The following CNTNAP5 variants were observed in gnomAD, a reference collection of about 807,000 sequenced individuals.
The protein encoded by CNTNAP5 is contactin associated protein family member 5, also known as contactin-associated protein-like 5.
In CNTNAP5, 72 loss-of-function variants were observed where a neutral mutation model predicts 150.2. That is an observed-to-expected ratio of 0.48 (90% confidence interval 0.40 to 0.58). The LOEUF is 0.58. Among genes scored for constraint, CNTNAP5 ranks in the 20% least tolerant of loss-of-function variants. The pLI, the probability that CNTNAP5 is intolerant of heterozygous loss-of-function variation, is 0.00. For missense variants in CNTNAP5, 1,636 were observed against 1,626.2 expected (o/e 1.01, Z -0.10); for synonymous variants, 672 against 619.8 (o/e 1.08, Z -1.25).
intron 10 of CNTNAP5, among the ~76,000 whole-genome samples, chr2:124,555,402 C>G (rs1695729165): frequency 6.6e-6 from 1 of 152,212 alleles, no homozygotes; most frequent in African/African-American, 2.4e-5. Context: ...GAAGCTCAGA[C>G]AAGGTCTCCA....
intron 11 of CNTNAP5, among the ~76,000 whole-genome samples, chr2:124,564,942 G>T (rs1035692056): frequency 2.6e-5 from 4 of 152,158 alleles, no homozygotes; most frequent in South Asian, 2.1e-4. Context: ...GAGAACTATC[G>T]CTCAGGGACA....
At chr2:124,076,710 T>G (rs1285944590) in intron 1 of CNTNAP5, among the ~76,000 whole-genome samples, 3 of 152,190 alleles carry the variant, frequency 2.0e-5, no homozygotes, top group African/African-American at 2.4e-5. Context: ...CAAGAATTCC[T>G]TTCTAATCTG....
intron 12 of CNTNAP5, among the ~76,000 whole-genome samples, chr2:124,622,174 T>C (rs1324498835): frequency 6.8e-6 from 1 of 147,558 alleles, no homozygotes; most frequent in African/African-American, 2.5e-5. Flanking sequence ...CATGTGTCCA[T>C]GTGTTCTCAT....
At chr2:124,602,338 CAAAAAA>C (rs35316532) in intron 11 of CNTNAP5, among the ~76,000 whole-genome samples, 7 of 89,774 alleles carry the variant, frequency 7.8e-5, no homozygotes, top group East Asian at 4.2e-4. Flanking sequence ...AAGACTTCAC[CAAAAAA>C]AAAAAAAAAA....
chr2:124,041,235 A>G (rs190598152), intron 1 of CNTNAP5, among the ~76,000 whole-genome samples: 2 of 152,328 alleles, frequency 1.3e-5, no homozygotes, highest in African/African-American at 4.8e-5. Flanking sequence ...AAAGATTTCT[A>G]TGTCTTCTGC....
chr2:124,679,963 C>A (rs1264583981), intron 13 of CNTNAP5, among the ~76,000 whole-genome samples: 1 of 151,730 alleles, frequency 6.6e-6, no homozygotes, highest in Non-Finnish European at 1.5e-5. Flanking sequence ...AAGTTCGAGA[C>A]CCCCGCCCCC....
At chr2:124,248,510 A>G (rs1422951688) in intron 3 of CNTNAP5, among the ~76,000 whole-genome samples, 1 of 152,322 alleles carries the variant, frequency 6.6e-6, no homozygotes, top group Non-Finnish European at 1.5e-5. Flanking sequence ...GGAAACAGGG[A>G]AAAACTGGCC....
chr2:124,775,378 G>T (rs556701850), intron 17 of CNTNAP5, among the ~76,000 whole-genome samples: 20 of 152,276 alleles, frequency 1.3e-4, no homozygotes, highest in African/African-American at 4.3e-4. Flanking sequence ...GGGAGGAAAA[G>T]ATATCATTGG....
At chr2:124,447,257 T>TA (rs1285707603) in intron 6 of CNTNAP5, among the ~76,000 whole-genome samples, 2 of 151,286 alleles carry the variant, frequency 1.3e-5, no homozygotes, top group Admixed American at 1.3e-4. Context: ...TGTATCTTCT[T>TA]AAAAAAAAGA....
At chr2:124,382,964 T>C (rs576545853) in intron 3 of CNTNAP5, among the ~76,000 whole-genome samples, 9 of 152,256 alleles carry the variant, frequency 5.9e-5, no homozygotes, top group African/African-American at 2.2e-4. Context: ...GAAATAAAAT[T>C]AGGTATGTGT....
chr2:124,892,597 GT>G (rs1394816545), intron 21 of CNTNAP5, among the ~76,000 whole-genome samples: 2 of 152,132 alleles, frequency 1.3e-5, no homozygotes, highest in African/African-American at 4.8e-5. Context: ...TGGGCGGGAG[GT>G]TTTCTGCAGG....
chr2:124,043,005 T>A (rs934171884), intron 1 of CNTNAP5, among the ~76,000 whole-genome samples: 2 of 152,222 alleles, frequency 1.3e-5, no homozygotes, highest in Non-Finnish European at 1.5e-5. Flanking sequence ...TGATTGCTTA[T>A]CTTCTCCAGT....
chr2:124,549,355 G>C (rs1695581380), intron 10 of CNTNAP5, among the ~76,000 whole-genome samples: 2 of 152,072 alleles, frequency 1.3e-5, no homozygotes, highest in African/African-American at 2.4e-5. Context: ...GTCCTTTTTG[G>C]CTTGCACTAT....
chr2:124,432,224 A>T (rs1411769887), intron 4 of CNTNAP5, among the ~76,000 whole-genome samples: 4 of 152,190 alleles, frequency 2.6e-5, no homozygotes, highest in African/African-American at 9.7e-5. Flanking sequence ...GATGGAATTG[A>T]GTTACTGCTT....
intron 10 of CNTNAP5, among the ~76,000 whole-genome samples, chr2:124,543,879 G>A (rs1488638633): frequency 6.6e-6 from 1 of 151,882 alleles, no homozygotes; most frequent in Non-Finnish European, 1.5e-5. Context: ...TACCGTACTT[G>A]TTTCTACAGT....
intron 1 of CNTNAP5, among the ~76,000 whole-genome samples, chr2:124,092,925 A>G (rs1164084444): frequency 2.0e-5 from 3 of 152,238 alleles, no homozygotes. Flanking sequence ...GATTAGCAGT[A>G]AGTATTGAAC....
intron 6 of CNTNAP5, among the ~76,000 whole-genome samples, chr2:124,453,670 T>C (rs547027679): frequency 3.8e-4 from 58 of 152,228 alleles, no homozygotes; most frequent in African/African-American, 1.3e-3. Context: ...ACCTATCAGA[T>C]TAACAGCAGA....
At chr2:124,180,672 A>G (rs1257312351) in intron 1 of CNTNAP5, among the ~76,000 whole-genome samples, 1 of 152,186 alleles carries the variant, frequency 6.6e-6, no homozygotes, top group African/African-American at 2.4e-5. Flanking sequence ...GTTGATAGAA[A>G]TCATTTAAAG....
At chr2:124,439,444 C>T (rs1179076941) in intron 5 of CNTNAP5, among the ~76,000 whole-genome samples, 1 of 152,156 alleles carries the variant, frequency 6.6e-6, no homozygotes, top group Non-Finnish European at 1.5e-5. Context: ...TATGCATCAT[C>T]AAAATCATAT....
Sources: gnomAD v4.1 joint callset for allele counts (sites outside exome capture counted in the v4.1 genomes callset) on GRCh38, gnomAD v4.1.1 for gene constraint, MANE v1.5 for transcripts, NCBI Gene and HGNC (gene_info 2026-07-23, HGNC 2026-07-21) for gene names.